The following FOXJ3 variants were observed in gnomAD, a reference collection of about 807,000 sequenced individuals.
FOXJ3 encodes forkhead box J3.
Under a neutral mutation model 76.1 loss-of-function variants are expected in FOXJ3, and 22 were observed. The observed-to-expected ratio is 0.29, with a 90% CI of 0.21 to 0.41. The LOEUF (loss-of-function observed/expected upper bound fraction) is 0.41, where lower values mean the gene tolerates loss of function less well. FOXJ3 is among the 10% of genes least tolerant of loss of function. The pLI, the probability that FOXJ3 is intolerant of heterozygous loss-of-function variation, is 1.00. For synonymous variants in FOXJ3, 269 were observed against 261.2 expected (o/e 1.03, Z -0.29); for missense variants, 613 against 762.1 (o/e 0.80, Z 2.30).
At chr1:42,250,038 G>A (rs1252396100) in intron 4 of FOXJ3, among the ~76,000 whole-genome samples, 1 of 152,148 alleles carries the variant, frequency 6.6e-6, no homozygotes, top group Non-Finnish European at 1.5e-5. Flanking sequence ...TTAGAAGCAT[G>A]AAGCTGGAGC....
At chr1:42,265,360 A>G (rs1651383204) in intron 3 of FOXJ3, among the ~76,000 whole-genome samples, 171 bp from the exon 4 acceptor site, 1 of 152,228 alleles carries the variant, frequency 6.6e-6, no homozygotes, top group South Asian at 2.1e-4. Context: ...CAAATTATGA[A>G]TGCTATGAGG....
At chr1:42,193,090 A>G (rs1333320405) in intron 8 of FOXJ3, among the ~76,000 whole-genome samples, 1 of 152,208 alleles carries the variant, frequency 6.6e-6, no homozygotes, top group Non-Finnish European at 1.5e-5. Flanking sequence ...TTATTTTTAA[A>G]TAAAAGAAAG....
intron 8 of FOXJ3, among the ~76,000 whole-genome samples, 178 bp from the exon 9 acceptor site, chr1:42,191,897 T>C (rs1290931259): frequency 1.3e-5 from 2 of 152,178 alleles, no homozygotes; most frequent in Admixed American, 6.5e-5. Context: ...AGAAGAAATA[T>C]AATGCCCCAC....
intron 1 of FOXJ3, among the ~76,000 whole-genome samples, chr1:42,329,787 T>C (rs535049706): frequency 1.3e-5 from 2 of 152,254 alleles, no homozygotes; most frequent in African/African-American, 2.4e-5. Flanking sequence ...GCGGATGCGA[T>C]GTCAAGTTAA....
At chr1:42,307,689 G>C (rs577409226) in intron 2 of FOXJ3, among the ~76,000 whole-genome samples, 24 of 152,222 alleles carry the variant, frequency 1.6e-4, no homozygotes, top group African/African-American at 5.8e-4. Context: ...AAATGTCAGA[G>C]CAATTTGGTT....
intron 4 of FOXJ3, among the ~76,000 whole-genome samples, chr1:42,232,508 T>C (rs1324484370): frequency 4.3e-4 from 60 of 140,098 alleles, no homozygotes; most frequent in Admixed American, 7.3e-4. Flanking sequence ...TGTGAGATGG[T>C]ATCTCATTGT....
intron 4 of FOXJ3, among the ~76,000 whole-genome samples, chr1:42,247,080 G>A (rs1340070610): frequency 6.6e-6 from 1 of 152,098 alleles, no homozygotes; most frequent in Non-Finnish European, 1.5e-5. Flanking sequence ...CACACAGATA[G>A]AAGAAATAAG....
At chr1:42,274,099 C>T (rs567470678) in intron 3 of FOXJ3, among the ~76,000 whole-genome samples, 1 of 152,262 alleles carries the variant, frequency 6.6e-6, no homozygotes, top group Admixed American at 6.5e-5. Context: ...TTAGCCATTT[C>T]TACTCCCTAG....
intron 1 of FOXJ3, among the ~76,000 whole-genome samples, chr1:42,319,208 G>A (rs1262354482): frequency 7.0e-6 from 1 of 142,954 alleles, no homozygotes; most frequent in Non-Finnish European, 1.5e-5. Flanking sequence ...CCAGCTCAGC[G>A]ACACAGCAAG....
intron 2 of FOXJ3, among the ~76,000 whole-genome samples, chr1:42,284,950 T>C (rs1652954203): frequency 6.6e-6 from 1 of 152,220 alleles, no homozygotes; most frequent in South Asian, 2.1e-4. Flanking sequence ...ACTCATCAAC[T>C]ACTTCAAAAC....
intron 1 of FOXJ3, among the ~76,000 whole-genome samples, chr1:42,326,506 C>A (rs1183219527): frequency 6.6e-6 from 1 of 152,102 alleles, no homozygotes; most frequent in East Asian, 1.9e-4. Flanking sequence ...AACACATCTC[C>A]CACTGTGGCA....
chr1:42,214,544 A>G (rs1429805461), intron 5 of FOXJ3, among the ~76,000 whole-genome samples: 1 of 152,196 alleles, frequency 6.6e-6, no homozygotes, highest in Non-Finnish European at 1.5e-5. Context: ...CCTATAGACC[A>G]ACCTTCTGCT....
At chr1:42,266,381 C>A (rs963192755) in intron 3 of FOXJ3, among the ~76,000 whole-genome samples, 19 of 152,112 alleles carry the variant, frequency 1.2e-4, no homozygotes, top group South Asian at 6.2e-4. Context: ...ACAAAAAAAA[C>A]CTATTTTTAA....
chr1:42,232,235 G>A (rs2124478747), intron 4 of FOXJ3, among the ~76,000 whole-genome samples: 1 of 148,792 alleles, frequency 6.7e-6, no homozygotes, highest in Admixed American at 6.8e-5. Flanking sequence ...CCTTGCTATT[G>A]TGAATAGTGC....
intron 1 of FOXJ3, among the ~76,000 whole-genome samples, chr1:42,311,469 G>C (rs1044424206): frequency 3.3e-5 from 5 of 152,132 alleles, no homozygotes; most frequent in Non-Finnish European, 1.5e-5. Flanking sequence ...TAGAGTCCTA[G>C]GGATTCTAGA....
intron 3 of FOXJ3, among the ~76,000 whole-genome samples, chr1:42,273,339 G>A (rs1378780827): frequency 1.3e-5 from 2 of 152,138 alleles, no homozygotes; most frequent in African/African-American, 4.8e-5. Flanking sequence ...CACAAGAGCA[G>A]ATAATAAATA....
At chr1:42,294,218 T>C (rs927472249) in intron 2 of FOXJ3, among the ~76,000 whole-genome samples, 12 of 152,206 alleles carry the variant, frequency 7.9e-5, no homozygotes, top group African/African-American at 2.9e-4. Context: ...AGTGGATACA[T>C]GCTGCTTTGT....
intron 2 of FOXJ3, 141 bp from the exon 3 acceptor site, chr1:42,278,813 G>A (rs1652482717): frequency 1.7e-6 from 1 of 600,036 alleles, no homozygotes; most frequent in Non-Finnish European, 2.9e-6. Context: ...GTATGTTAAT[G>A]AGCAAACCAA....
Position 42,199,097 on chromosome 1 carries a change from C to A in FOXJ3, c.759+5G>T. ...TATTAACATGTTAACTTCATCAAGA[C>A]TTACCGGTGTATAACTATGCACACT... On this transcript the variant is annotated splice_donor_5th_base_variant and intron_variant, in intron 7 of 12. Transcript: ENST00000361346. 2 of 1,611,584 alleles carry A rather than the reference C, an allele frequency of 1.2e-6. No homozygotes were observed.
Sources: allele counts gnomAD v4.1 joint callset (sites outside exome capture counted in the v4.1 genomes callset), GRCh38; gene constraint gnomAD v4.1.1; transcripts MANE v1.5; gene names NCBI Gene and HGNC (gene_info 2026-07-23, HGNC 2026-07-21).